Variants in MTOR observed in about 807,000 individuals in gnomAD.
MTOR encodes mechanistic target of rapamycin kinase.
MTOR carries 70 observed loss-of-function variants against 319.8 expected under a neutral mutation model. The ratio of observed to expected loss-of-function variants is 0.22; its 90% CI spans 0.18 to 0.27. The LOEUF (loss-of-function observed/expected upper bound fraction) is 0.27, where lower values mean the gene tolerates loss of function less well. MTOR is among the 10% of genes least tolerant of loss of function. The probability of loss-of-function intolerance (pLI) is 1.00; values close to 1 mark genes in which losing one functional copy is unlikely to be tolerated. For missense variants in MTOR, 1,890 were observed against 3,274.4 expected, an observed-to-expected ratio of 0.58 and a Z score of 10.32; for synonymous variants, 1,183 against 1,211.4, an observed-to-expected ratio of 0.98 and a Z score of 0.49.
At chr1:11,183,815 A>AG (rs1370379342) in intron 28 of MTOR, among the ~76,000 whole-genome samples, 2 of 152,082 alleles carry the variant, frequency 1.3e-5, no homozygotes, top group African/African-American at 4.8e-5. Context: ...AGGATCACTG[A>AG]GGGAAAAAAA....
intron 34 of MTOR, among the ~76,000 whole-genome samples, chr1:11,142,127 G>T (rs1185186340): frequency 6.6e-6 from 1 of 152,164 alleles, no homozygotes; most frequent in Non-Finnish European, 1.5e-5. Flanking sequence ...CTGCCTAAGG[G>T]TATTTCACTC....
intron 46 of MTOR, among the ~76,000 whole-genome samples, chr1:11,125,478 C>T (rs1476416621): frequency 2.0e-5 from 3 of 152,096 alleles, no homozygotes; most frequent in Non-Finnish European, 2.9e-5. Context: ...CACCTGTAAT[C>T]CTAACATTGT....
intron 38 of MTOR, chr1:11,131,016 G>A: frequency 1.7e-6 from 1 of 586,684 alleles, no homozygotes. Flanking sequence ...GGCACAGCAA[G>A]AGGAGCAGGA....
chr1:11,121,879 A>C lies in MTOR; in HGVS notation c.6810+100T>G. 6.8e-7 allele frequency: 1 copy of C among 1,465,470 alleles called. No individual in the cohort carries two copies. The highest frequency in any genetic ancestry group is 2.4e-5 in the East Asian group (1 of 42,122). The allele number at this position is 1,465,470 out of a possible 1,614,324, so 90.8% of individuals were successfully genotyped here. Reference sequence around the variant, plus strand: ...CTTCAAAGCTGATTCTCTCAAAGAGATTTTTCAGTGACAGACATACAGAGA... The same window carrying C: ...CTTCAAAGCTGATTCTCTCAAAGAGCTTTTTCAGTGACAGACATACAGAGA... On this transcript the variant is annotated intron_variant, in intron 48 of 57. Coordinates refer to ENST00000361445, the MANE Select transcript of MTOR (RefSeq NM_004958.4). This position sits in a 1 kb window ranked among gnomAD's most constrained non-coding sequence, Gnocchi z 4.9.
intron 2 of MTOR, among the ~76,000 whole-genome samples, chr1:11,258,971 G>A (rs1010137480): frequency 5.3e-5 from 8 of 152,070 alleles, no homozygotes; most frequent in Non-Finnish European, 1.2e-4. Context: ...AGCATTTGAG[G>A]GTGTGGTATG....
At chr1:11,250,157 G>A (rs1433345092) in intron 6 of MTOR, among the ~76,000 whole-genome samples, 33 of 142,614 alleles carry the variant, frequency 2.3e-4, no homozygotes, top group Middle Eastern at 3.8e-3. Context: ...CGGACAGGGC[G>A]GCTGGCCGGG....
At chr1:11,244,169 G>A (rs2100926210) in intron 8 of MTOR, among the ~76,000 whole-genome samples, 1 of 151,844 alleles carries the variant, frequency 6.6e-6, no homozygotes, top group East Asian at 1.9e-4. Flanking sequence ...GTGCATGCCT[G>A]TAATCCTAGC....
At position 11,122,057 on chromosome 1, in the gene MTOR, G is replaced by A. The variant is rs748636052; in HGVS notation, c.6732C>T (p.Asp2244=). The change falls in exon 48 of 58, where the codon GAC becomes GAT. Residue 2244 remains aspartate (D), a synonymous_variant. Transcript: ENST00000361445. ...AGTCCCGGATGAGGGCGTGCAGTGT[G>A]TCACAGTGGGGAACCCAGCCAATGA... ...SGLIGWVPHC[D]TLHALIRDYR... 1.9e-6 allele frequency: 3 copies of A among 1,614,122 alleles called. No homozygotes were observed. The African/African-American group carries it at 4.0e-5, about 22-fold the overall frequency.
chr1:11,139,164 G>GT, intron 36 of MTOR, 140 bp downstream of exon 36: 1 of 1,200,144 alleles, frequency 8.3e-7, no homozygotes, highest in Non-Finnish European at 1.2e-6. Flanking sequence ...AAATAGCTTT[G>GT]TAACAGGAAG....
chr1:11,162,944 T>C (rs1260067629), intron 29 of MTOR, among the ~76,000 whole-genome samples: 1 of 152,146 alleles, frequency 6.6e-6, no homozygotes, highest in Non-Finnish European at 1.5e-5. Flanking sequence ...ATATTAACTT[T>C]AAATGTAAAT....
chr1:11,246,387 G>C (rs1184309611), intron 8 of MTOR, among the ~76,000 whole-genome samples: 1 of 152,184 alleles, frequency 6.6e-6, no homozygotes, highest in East Asian at 1.9e-4. Flanking sequence ...AAGCTCTACT[G>C]AACAGCAGCC....
chr1:11,233,656 T>C (rs564702638), intron 14 of MTOR, among the ~76,000 whole-genome samples, 169 bp from the exon 15 acceptor site: 1 of 152,356 alleles, frequency 6.6e-6, no homozygotes, highest in East Asian at 1.9e-4. Flanking sequence ...CTTTTCTCCA[T>C]ATGAAGTCTA....
Position 11,212,180 on chromosome 1 carries a change from A to G in MTOR, c.3561+132T>C, listed in dbSNP as rs1381257790. On this transcript the variant is annotated intron_variant, in intron 23 of 57. Transcript: ENST00000361445. This position sits in a 1 kb window ranked among gnomAD's most constrained non-coding sequence, Gnocchi z 4.1. The stretch of plus-strand genomic sequence containing the variant: ...CAATAAATGTTTGCTGAACACATGA[A>G]AAGAAAAAAAGCAAGTAATTCCACG... 1 of 1,173,084 alleles carries G rather than the reference A, an allele frequency of 8.5e-7. No homozygotes were observed. The highest frequency in any genetic ancestry group is 1.2e-6 in the Non-Finnish European group (1 of 836,898). 72.7% of individuals were successfully genotyped at this position (1,173,084 alleles called of 1,614,324 possible). A position where few individuals can be genotyped will look rare whatever the true frequency, so the allele number is the denominator to read the frequency against.
chr1:11,192,294 T>C (rs1472194287), intron 28 of MTOR: 1 of 1,613,868 alleles, frequency 6.2e-7, no homozygotes, highest in Non-Finnish European at 8.5e-7. Context: ...TGCTCTTCCC[T>C]CTACCAGAAG....
Position 11,115,470 on chromosome 1 carries a change from T to C in MTOR, c.7017-2A>G. The C allele has an allele frequency of 1.2e-6, 2 of 1,614,016 alleles. No homozygotes were observed. Among genetic ancestry groups the C allele is most frequent in the Non-Finnish European group, 1.7e-6 (2 of 1,179,892 alleles). ...TCCAGCATCAGGTTGGATGGGTGTC[T>C]TTGAGAAACAGAAGACAGATCAGGG... On this transcript the variant is annotated splice_acceptor_variant, in intron 50 of 57. Coordinates refer to ENST00000361445, the MANE Select transcript of MTOR (RefSeq NM_004958.4). LOFTEE classifies it high-confidence loss of function. This position sits in a 1 kb window ranked among gnomAD's most constrained non-coding sequence, Gnocchi z 4.5.
intron 4 of MTOR, 60 bp downstream of exon 4, chr1:11,256,873 A>G: frequency 6.6e-7 from 1 of 1,504,898 alleles, no homozygotes; most frequent in Non-Finnish European, 9.1e-7. Context: ...GAAGCAAAAG[A>G]CCCCCCCATG....
In MTOR at chr1:11,216,287, C is replaced by T; in HGVS notation, c.3031-53G>A. On this transcript the variant is annotated intron_variant, in intron 19 of 57. Transcript: ENST00000361445. ...GGTATCATGAAGGACATTGAACCCC[C>T]AGGCTTACCTTAAGCTCATGTGAAC... The T allele has an allele frequency of 2.9e-6, 4 of 1,385,974 alleles. No individual in the cohort carries two copies. In the South Asian group the frequency reaches 4.7e-5, roughly 16 times the overall value. 85.9% of individuals were successfully genotyped at this position (1,385,974 alleles called of 1,614,324 possible).
Position 11,212,967 on chromosome 1 carries a change from C to T in MTOR, c.3286-59G>A, listed in dbSNP as rs1240726650. On this transcript the variant is annotated intron_variant, in intron 21 of 57. Coordinates refer to ENST00000361445, the MANE Select transcript of MTOR (RefSeq NM_004958.4). This position sits in a 1 kb window ranked among gnomAD's most constrained non-coding sequence, Gnocchi z 4.1. Reference sequence around the variant, plus strand: ...GTCAGGTCCCAAGTATCTAAGGACACGCAGCGGGTGGTGGTGTAGACAATT... The same window carrying T: ...GTCAGGTCCCAAGTATCTAAGGACATGCAGCGGGTGGTGGTGTAGACAATT... 2.2e-5 allele frequency: 30 copies of T among 1,341,530 alleles called. No individual in the cohort carries two copies. The highest frequency in any genetic ancestry group is 6.8e-5 in the Admixed American group (4 of 58,764). 83.1% of individuals were successfully genotyped at this position (1,341,530 alleles called of 1,614,324 possible).
Position 11,258,480 on chromosome 1 carries a change from C to T in MTOR, c.271+5G>A. Reference sequence around the variant, plus strand: ...TGTTTTTGTGACCAGAGACTCTGTCCTTACCTATGGCCAAGATGCCACCTT... The same window carrying T: ...TGTTTTTGTGACCAGAGACTCTGTCTTTACCTATGGCCAAGATGCCACCTT... On this transcript the variant is annotated splice_donor_5th_base_variant and intron_variant, in intron 3 of 57. Coordinates refer to ENST00000361445, the MANE Select transcript of MTOR (RefSeq NM_004958.4). The T allele has an allele frequency of 1.2e-6, 2 of 1,607,150 alleles. No homozygotes were observed. The highest frequency in any genetic ancestry group is 1.7e-6 in the Non-Finnish European group (2 of 1,174,084).
Sources: gnomAD v4.1 joint callset for allele counts (sites outside exome capture counted in the v4.1 genomes callset) on GRCh38, gnomAD v4.1.1 for gene constraint, Gnocchi (gnomAD v3.1) non-coding constraint, MANE v1.5 for transcripts, NCBI Gene and HGNC (gene_info 2026-07-23, HGNC 2026-07-21) for gene names.